Variants in TNXB observed in about 807,000 individuals in gnomAD.
TNXB encodes the protein tenascin XB, also known as tenascin-X.
Under a neutral mutation model 340.5 loss-of-function variants are expected in TNXB, and 183 were observed. That is an observed-to-expected ratio of 0.54 (90% CI 0.48 to 0.61). The LOEUF is 0.61. TNXB is among the 20% of genes least tolerant of loss of function. TNXB has a pLI of 0.00. For missense variants in TNXB, 4,613 were observed against 5,446.4 expected (o/e 0.85, Z 4.82); for synonymous variants, 2,121 against 2,314.5 (o/e 0.92, Z 2.40).
Position 32,067,113 on chromosome 6 carries a change from G to GAGAA in TNXB, c.6544+544_6544+547dup, listed in dbSNP as rs1554321172. On this transcript the variant is annotated intron_variant, in intron 18 of 43. Coordinates refer to ENST00000644971, the MANE Select transcript of TNXB (RefSeq NM_001365276.2). The surrounding 1 kb of genome is among the most constrained non-coding windows in gnomAD (Gnocchi z 4.2). ...GAAAAGAATGAAAGAAAGAAAGAAA[G>GAGAA]AGAAAGAAAGAAAGGAAGGAAGAAA... Among the ~76,000 whole-genome samples the GAGAA allele has an allele frequency of 3.2e-5, 3 of 92,938 alleles. No homozygotes were observed. The highest frequency in any genetic ancestry group is 6.9e-5 in the Non-Finnish European group (3 of 43,478). 61.0% of individuals were successfully genotyped at this position (92,938 alleles called of 152,430 possible).
chr6:32,103,906 T>C (rs1028995925), intron 1 of TNXB, among the ~76,000 whole-genome samples: 3 of 152,090 alleles, frequency 2.0e-5, no homozygotes, highest in Non-Finnish European at 4.4e-5. Flanking sequence ...TAATTTTTTA[T>C]TTTTAGTAGA....
intron 1 of TNXB, among the ~76,000 whole-genome samples, chr6:32,099,965 A>C (rs1479892763): frequency 6.6e-6 from 1 of 151,512 alleles, no homozygotes; most frequent in African/African-American, 2.4e-5. Flanking sequence ...AAAAAAAAAA[A>C]AAAAACAGTC....
intron 21 of TNXB, among the ~76,000 whole-genome samples, chr6:32,060,298 C>CTCCA (rs1288059973): frequency 1.3e-5 from 2 of 151,114 alleles, no homozygotes; most frequent in East Asian, 3.9e-4. Flanking sequence ...TGCCATTGCA[C>CTCCA]TCCAGCCTGG....
At chr6:32,050,409 A>G (rs1777210863) in intron 26 of TNXB, 88 bp from the exon 27 acceptor site, 1 of 1,521,514 alleles carries the variant, frequency 6.6e-7, no homozygotes. Context: ...AGTGCCCAAG[A>G]ACAGGACGAT....
Position 32,097,156 on chromosome 6 carries a change from A to C in TNXB, c.697T>G (p.Cys233Gly), listed in dbSNP as rs774675861. ...CCTGAGAAGCCTGCCCGGCACACAC[A>C]CACGCCCTGCACGCAGCGCCCACGG... ...QGRGRCVQGV[C>G]VCRAGFSGPD... The change falls in exon 3 of 44, where the codon TGT (cysteine) becomes GGT (glycine). Residue 233 changes from cysteine (C) to glycine (G), a missense_variant. Around this residue, in one of 7 missense-constraint regions of TNXB, gnomAD observed 4,327 missense variants for 4,859.4 expected, o/e 0.89. Coordinates refer to ENST00000644971, the MANE Select transcript of TNXB (RefSeq NM_001365276.2). The surrounding 1 kb of genome is among the most constrained non-coding windows in gnomAD (Gnocchi z 5.9). 1.2e-6 allele frequency: 2 copies of C among 1,600,126 alleles called. No homozygotes were observed. The highest frequency in any genetic ancestry group is 3.5e-5 in the Admixed American group (2 of 57,236).
chr6:32,069,285 T>C lies in TNXB; in HGVS notation c.5588-149A>G, dbSNP rs538439717. The C allele has an allele frequency of 5.9e-4, 510 of 867,298 alleles. 2 individuals are homozygous for C. The highest frequency in any genetic ancestry group is 4.5e-3 in the Middle Eastern group (14 of 3,118). The allele number at this position is 867,298 out of a possible 1,614,324, so 53.7% of individuals were successfully genotyped here. A position where few individuals can be genotyped will look rare whatever the true frequency, so the allele number is the denominator to read the frequency against. On this transcript the variant is annotated intron_variant, in intron 15 of 43. Coordinates refer to ENST00000644971, the MANE Select transcript of TNXB (RefSeq NM_001365276.2). The surrounding 1 kb of genome is among the most constrained non-coding windows in gnomAD (Gnocchi z 6.2). ...GCACATGGGTGAATTTCAAAAGCAT[T>C]GTGCTAATTGCAAGAAATGAAACAC...
rs544342649 is a variant in TNXB, at chr6:32,050,305, G to T, written c.9132C>A (p.Ala3044=). Residue 3044 remains alanine, a synonymous_variant, in exon 27 of 44, where the codon GCC becomes GCA. Transcript: ENST00000644971. The part of the protein sequence containing the change: ...AVGVTAPKDE[A]ETTQAVPTMT... ...TGGTAGGCACTGCTTGGGTGGTCTC[G>T]GCTTCATCCTTTGGAGCTGGACAGA... is the stretch of plus-strand genomic sequence containing the variant. 8 of 1,612,626 alleles carry T rather than the reference G, an allele frequency of 5.0e-6. No homozygotes were observed. The East Asian group carries it at 8.9e-5, about 18-fold the overall frequency.
chr6:32,052,828 T>G lies in TNXB; in HGVS notation c.8957A>C (p.Tyr2986Ser). Reference protein sequence around the residue: ...QGRFDSFTVQYKDRDGRPQVV... With the variant: ...QGRFDSFTVQSKDRDGRPQVV... ...CTGGGGCCGCCCGTCCCTGTCCTTG[T>G]ACTGCACAGTGAAGGAGTCGAAGCG... The change falls in exon 26 of 44, where the codon TAC becomes TCC. Residue 2986 changes from tyrosine (Y) to serine (S), a missense_variant. Physicochemically the swap from Tyr to Ser is moderately radical, Grantham distance 144 (BLOSUM62 -2). Transcript: ENST00000644971. The surrounding 1 kb of genome is among the most constrained non-coding windows in gnomAD (Gnocchi z 4.7). The G allele has an allele frequency of 6.2e-7, 1 of 1,613,660 alleles. No homozygotes were observed.
At position 32,072,060 on chromosome 6, in the gene TNXB, C is replaced by T; in HGVS notation, c.4920G>A (p.Lys1640=). The T allele has an allele frequency of 6.2e-7, 1 of 1,612,560 alleles. No homozygotes were observed. The highest frequency in any genetic ancestry group is 8.5e-7 in the Non-Finnish European group (1 of 1,179,332). Reference sequence around the variant, plus strand: ...GGATCCCAAAGAGCAGGAACTTGTACTTGCGGGAGGGTTCCAGGTCAGGGA... The same window carrying T: ...GGATCCCAAAGAGCAGGAACTTGTATTTGCGGGAGGGTTCCAGGTCAGGGA... ...VTIPDLEPSR[K]YKFLLFGIQD... is the part of the protein sequence containing the mutation. The change falls in exon 13 of 44, where the codon AAG becomes AAA. Residue 1640 remains lysine (K), a synonymous_variant. Coordinates refer to ENST00000644971, the MANE Select transcript of TNXB (RefSeq NM_001365276.2). This position sits in a 1 kb window ranked among gnomAD's most constrained non-coding sequence, Gnocchi z 4.4.
At chr6:32,054,084 G>A (rs889446672) in intron 24 of TNXB, among the ~76,000 whole-genome samples, 2 of 152,044 alleles carry the variant, frequency 1.3e-5, no homozygotes, top group Non-Finnish European at 2.9e-5. Context: ...CACTCCTCCC[G>A]AGGCCAGAGC....
chr6:32,071,626 C>T (rs1778780009), intron 13 of TNXB, among the ~76,000 whole-genome samples: 1 of 150,094 alleles, frequency 6.7e-6, no homozygotes, highest in Non-Finnish European at 1.5e-5. Context: ...GGCTCTATCA[C>T]CCAGGCTGGA....
At position 32,087,953 on chromosome 6, in the gene TNXB, C is replaced by A. The variant is rs1177282895; in HGVS notation, c.2779+832G>T. The A allele has an allele frequency of 4.1e-6, 1 of 241,962 alleles. No homozygotes were observed. Among genetic ancestry groups the A allele is most frequent in the African/African-American group, 2.6e-5 (1 of 38,542 alleles). The allele number at this position is 241,962 out of a possible 1,614,324, so 15.0% of individuals were successfully genotyped here. A position where few individuals can be genotyped will look rare whatever the true frequency, so the allele number is the denominator to read the frequency against. ...CGGGGCCGGGACTTGGGGGGCGGGG[C>A]TGGGGGGCGCACCTCCGGGTAACTG... On this transcript the variant is annotated intron_variant, in intron 6 of 43. Transcript: ENST00000644971. This position sits in a 1 kb window ranked among gnomAD's most constrained non-coding sequence, Gnocchi z 9.0.
chr6:32,057,024 C>G, intron 22 of TNXB, 121 bp from the exon 23 acceptor site: 4 of 1,268,330 alleles, frequency 3.2e-6, no homozygotes, highest in Non-Finnish European at 4.4e-6. Flanking sequence ...CACAGCCCCT[C>G]CAGCACAGCT....
chr6:32,095,598 G>C lies in TNXB; in HGVS notation c.2242+13C>G. 1 of 1,603,476 alleles carries C rather than the reference G, an allele frequency of 6.2e-7. No individual in the cohort carries two copies. The highest frequency in any genetic ancestry group is 8.5e-7 in the Non-Finnish European group (1 of 1,172,872). On this transcript the variant is annotated intron_variant, in intron 3 of 43. Transcript: ENST00000644971. ...ACAGTCCCAGAGTACACTGGGGAAG[G>C]CTGCCTGCTCACCTTCTCCGCAGTC...
intron 11 of TNXB, among the ~76,000 whole-genome samples, chr6:32,077,375 T>C (rs887743743): frequency 1.3e-5 from 2 of 152,258 alleles, no homozygotes; most frequent in Non-Finnish European, 2.9e-5. Flanking sequence ...AACCAAGTCA[T>C]GATGAGGCTG....
intron 13 of TNXB, among the ~76,000 whole-genome samples, chr6:32,071,378 G>C (rs1778760846): frequency 1.3e-5 from 2 of 152,002 alleles, no homozygotes; most frequent in Non-Finnish European, 2.9e-5. Flanking sequence ...TCGCAAGGCA[G>C]GAAGGGTTCC....
chr6:32,108,479 C>T lies in TNXB; in HGVS notation c.-9+702G>A, dbSNP rs1271493022. On this transcript the variant is annotated intron_variant, in intron 1 of 43. Coordinates refer to ENST00000644971, the MANE Select transcript of TNXB (RefSeq NM_001365276.2). This position sits in a 1 kb window ranked among gnomAD's most constrained non-coding sequence, Gnocchi z 4.8. ...CCCCAGAGGCATCTCTCAGCCATCC[C>T]AGCCCTGCTGAACCGTGAGTCATGA... 6.6e-6 allele frequency among the ~76,000 whole-genome samples: 1 copy of T among 151,990 alleles called. No homozygotes were observed.
rs778446749 is a variant in TNXB, at chr6:32,053,492, C to T, written c.8687G>A (p.Gly2896Glu). ...TGGCTCCAGGCCTGAGATGGTGACC[C>T]CGTCCTCGTGCCCCGGCACCCGCAC... ...KVVRVPGHED[G>E]VTISGLEPDH... Residue 2896 changes from glycine to glutamate, a missense_variant, in exon 25 of 44, where the codon GGG (glycine) becomes GAG (glutamate). Gly to Glu is a moderately conservative substitution (Grantham distance 98). Coordinates refer to ENST00000644971, the MANE Select transcript of TNXB (RefSeq NM_001365276.2). The T allele has an allele frequency of 6.2e-7, 1 of 1,613,440 alleles. No homozygotes were observed. The highest frequency in any genetic ancestry group is 8.5e-7 in the Non-Finnish European group (1 of 1,179,888).
At chr6:32,091,961 G>T (rs968505367) in intron 4 of TNXB, among the ~76,000 whole-genome samples, 1 of 152,172 alleles carries the variant, frequency 6.6e-6, no homozygotes, top group Non-Finnish European at 1.5e-5. Flanking sequence ...ACTTAGCCTA[G>T]CCCTGATTTC....
Sources: allele counts gnomAD v4.1 joint callset (sites outside exome capture counted in the v4.1 genomes callset), GRCh38; gene constraint gnomAD v4.1.1; regional missense constraint gnomAD v4.1.1; non-coding constraint Gnocchi (gnomAD v3.1); transcripts MANE v1.5; gene names NCBI Gene and HGNC (gene_info 2026-07-23, HGNC 2026-07-21).